The following GRIP1 variants were observed in gnomAD, a reference collection of about 807,000 sequenced individuals.
GRIP1 encodes the protein glutamate receptor-interacting protein 1.
Under a neutral mutation model 129.9 loss-of-function variants are expected in GRIP1, and 45 were observed. The ratio of observed to expected loss-of-function variants is 0.35; its 90% confidence interval spans 0.27 to 0.44. The LOEUF is 0.44. Ranked by LOEUF, GRIP1 falls within the 20% of genes least tolerant of loss-of-function variation. The probability of loss-of-function intolerance (pLI) is 1.00; values close to 1 mark genes in which losing one functional copy is unlikely to be tolerated. For synonymous variants in GRIP1, 530 were observed against 520.8 expected, an observed-to-expected ratio of 1.02 and a Z score of -0.24; for missense variants, 1,196 against 1,396.8, an observed-to-expected ratio of 0.86 and a Z score of 2.29.
intron 3 of GRIP1, among the ~76,000 whole-genome samples, chr12:66,540,030 A>G (rs969075053): frequency 5.3e-5 from 8 of 152,198 alleles, no homozygotes; most frequent in Non-Finnish European, 1.0e-4. Flanking sequence ...AGCTCCAATC[A>G]TTCCTCCTTC....
chr12:67,052,862 G>A (rs2043370652), intron 1 of GRIP1, among the ~76,000 whole-genome samples: 1 of 152,118 alleles, frequency 6.6e-6, no homozygotes, highest in Non-Finnish European at 1.5e-5. Context: ...ATTTTACAAA[G>A]GAAGAACTTG....
chr12:66,455,837 C>T (rs1285120397), intron 10 of GRIP1, among the ~76,000 whole-genome samples: 1 of 152,182 alleles, frequency 6.6e-6, no homozygotes, highest in Non-Finnish European at 1.5e-5. Flanking sequence ...CAACTTTGTC[C>T]ATGAACAACT....
At chr12:66,606,398 T>C (rs1456779523) in intron 1 of GRIP1, among the ~76,000 whole-genome samples, 1 of 152,204 alleles carries the variant, frequency 6.6e-6, no homozygotes, top group African/African-American at 2.4e-5. Context: ...ACTGGTTTCC[T>C]CTATAAGTAA....
chr12:66,753,175 A>G (rs561270721), intron 1 of GRIP1, among the ~76,000 whole-genome samples: 1 of 152,258 alleles, frequency 6.6e-6, no homozygotes, highest in African/African-American at 2.4e-5. Context: ...CCATTTCTCA[A>G]TGTAAAATAA....
intron 5 of GRIP1, among the ~76,000 whole-genome samples, chr12:66,518,818 T>C (rs1030505949): frequency 2.0e-5 from 3 of 152,226 alleles, no homozygotes; most frequent in Non-Finnish European, 4.4e-5. Flanking sequence ...CTTTGTTCTA[T>C]GATCCAGAGC....
intron 1 of GRIP1, among the ~76,000 whole-genome samples, chr12:66,979,094 A>G (rs1163839747): frequency 6.6e-6 from 1 of 151,920 alleles, no homozygotes; most frequent in Non-Finnish European, 1.5e-5. Flanking sequence ...CCCATGTGTG[A>G]CCTTTTTGAA....
intron 7 of GRIP1, among the ~76,000 whole-genome samples, chr12:66,468,898 G>A (rs1452608454): frequency 6.6e-6 from 1 of 152,084 alleles, no homozygotes; most frequent in Non-Finnish European, 1.5e-5. Flanking sequence ...TCTACAGTAT[G>A]CTTCTGTGAC....
chr12:66,488,937 T>C (rs1013917034), intron 7 of GRIP1, among the ~76,000 whole-genome samples: 11 of 152,146 alleles, frequency 7.2e-5, no homozygotes, highest in African/African-American at 2.7e-4. Flanking sequence ...ATTAATTCCC[T>C]GAATAGACCA....
At chr12:66,891,841 T>C (rs1044952700) in intron 1 of GRIP1, 4 of 152,214 alleles carry the variant, frequency 2.6e-5, no homozygotes, top group Admixed American at 2.0e-4. Flanking sequence ...CGAAGCCTCT[T>C]AAGAAAATTC....
intron 2 of GRIP1, among the ~76,000 whole-genome samples, chr12:66,573,219 C>T (rs1324541694): frequency 6.6e-6 from 1 of 152,096 alleles, no homozygotes; most frequent in Non-Finnish European, 1.5e-5. Flanking sequence ...AGCAAGAAAC[C>T]AAAGCCCTGA....
chr12:66,483,269 C>T (rs969252491), intron 7 of GRIP1, among the ~76,000 whole-genome samples: 3 of 152,174 alleles, frequency 2.0e-5, no homozygotes, highest in Non-Finnish European at 4.4e-5. Flanking sequence ...TTAATAATTT[C>T]AACCCTTTTC....
chr12:67,031,400 C>G (rs2043020109), intron 1 of GRIP1, among the ~76,000 whole-genome samples: 1 of 152,320 alleles, frequency 6.6e-6, no homozygotes. Flanking sequence ...CACCCGAAGA[C>G]AGTCACACCT....
chr12:66,587,146 T>A (rs921207149), intron 2 of GRIP1, among the ~76,000 whole-genome samples: 1 of 152,232 alleles, frequency 6.6e-6, no homozygotes, highest in Non-Finnish European at 1.5e-5. Flanking sequence ...CTTGTTTCTT[T>A]TCACTTATTA....
At chr12:66,351,728 G>A (rs974090956) in intron 24 of GRIP1, among the ~76,000 whole-genome samples, 1 of 152,128 alleles carries the variant, frequency 6.6e-6, no homozygotes, top group Non-Finnish European at 1.5e-5. Context: ...TGAGGTAAAG[G>A]AGGTTGGGTG....
intron 1 of GRIP1, among the ~76,000 whole-genome samples, chr12:66,604,678 A>C (rs2064430899): frequency 6.6e-6 from 1 of 152,146 alleles, no homozygotes; most frequent in Admixed American, 6.5e-5. Flanking sequence ...TTAGCTTTAG[A>C]ATGACAATTT....
intron 1 of GRIP1, among the ~76,000 whole-genome samples, chr12:66,629,657 C>T (rs892482936): frequency 1.3e-5 from 2 of 152,142 alleles, no homozygotes; most frequent in African/African-American, 4.8e-5. Flanking sequence ...AAATCTGAAA[C>T]AATGTACTAA....
At chr12:66,388,746 C>T (rs17102439) in intron 19 of GRIP1, among the ~76,000 whole-genome samples, 2,842 of 152,286 alleles carry the variant, frequency 0.019, 100 homozygotes, top group African/African-American at 0.065. Context: ...CACAAGGTTT[C>T]GTCATTCCAT....
At chr12:66,803,044 A>C (rs2038903851) in intron 1 of GRIP1, among the ~76,000 whole-genome samples, 1 of 152,214 alleles carries the variant, frequency 6.6e-6, no homozygotes, top group Non-Finnish European at 1.5e-5. Context: ...ATCGCAACAG[A>C]ATTTCTAGCA....
At chr12:66,634,918 A>C (rs1427686549) in intron 1 of GRIP1, among the ~76,000 whole-genome samples, 1 of 152,202 alleles carries the variant, frequency 6.6e-6, no homozygotes, top group African/African-American at 2.4e-5. Flanking sequence ...CAATAACAGA[A>C]ATTTATTTTA....
Sources: allele counts gnomAD v4.1 joint callset (sites outside exome capture counted in the v4.1 genomes callset), GRCh38; gene constraint gnomAD v4.1.1; transcripts MANE v1.5; gene names NCBI Gene and HGNC (gene_info 2026-07-23, HGNC 2026-07-21).